CCDC146: variants seen among roughly 807,000 people sequenced by gnomAD.
The protein encoded by CCDC146 is coiled-coil domain containing 146, also known as coiled-coil domain-containing protein 146.
A neutral mutation model predicts 119.3 loss-of-function variants in CCDC146; 92 were observed. That is an observed-to-expected ratio of 0.77 (90% CI 0.65 to 0.92). The LOEUF (loss-of-function observed/expected upper bound fraction) is 0.92, where lower values mean the gene tolerates loss of function less well. Ranked by LOEUF, CCDC146 falls within the 40% of genes least tolerant of loss-of-function variation. The pLI, the probability that CCDC146 is intolerant of heterozygous loss-of-function variation, is 0.00. For missense variants in CCDC146, 1,000 were observed against 1,103.0 expected, an observed-to-expected ratio of 0.91 and a Z score of 1.32; for synonymous variants, 372 against 371.8, an observed-to-expected ratio of 1.00 and a Z score of -0.01.
intron 2 of CCDC146, among the ~76,000 whole-genome samples, chr7:77,236,108 G>C (rs1213713299): frequency 2.5e-5 from 2 of 79,056 alleles, no homozygotes; most frequent in African/African-American, 6.3e-5. Context: ...AGAACAACAG[G>C]GCTGAAAAAC....
intron 9 of CCDC146, among the ~76,000 whole-genome samples, chr7:77,265,131 T>C (rs1451462788): frequency 2.6e-5 from 4 of 152,204 alleles, no homozygotes; most frequent in African/African-American, 4.8e-5. Context: ...AATTGGAACT[T>C]TGGGCAAACA....
chr7:77,262,410 T>C, intron 9 of CCDC146, 103 bp downstream of exon 9: 1 of 846,310 alleles, frequency 1.2e-6, no homozygotes, highest in Non-Finnish European at 1.8e-6. Flanking sequence ...AAGAAGAAAA[T>C]ACAAGTAACA....
chr7:77,286,681 C>A (rs77137962), intron 15 of CCDC146, 117 bp from the exon 16 acceptor site: 1 of 933,366 alleles, frequency 1.1e-6, no homozygotes, highest in Admixed American at 2.2e-5. Flanking sequence ...ACAGAGTTCT[C>A]TTCTACCCTT....
intron 2 of CCDC146, among the ~76,000 whole-genome samples, chr7:77,186,516 T>C (rs1263646931): frequency 6.6e-6 from 1 of 151,082 alleles, no homozygotes; most frequent in African/African-American, 2.4e-5. Context: ...GGGCAGGGGG[T>C]AAGTGAGGAT....
At chr7:77,142,342 A>ATTTATT (rs1562813757) in intron 1 of CCDC146, among the ~76,000 whole-genome samples, 1 of 149,692 alleles carries the variant, frequency 6.7e-6, no homozygotes. Flanking sequence ...TTATTTATTT[A>ATTTATT]TATTATACTT....
At chr7:77,169,227 G>C (rs1158994297) in intron 2 of CCDC146, among the ~76,000 whole-genome samples, 4 of 152,084 alleles carry the variant, frequency 2.6e-5, no homozygotes, top group Non-Finnish European at 4.4e-5. Context: ...TTTTGGTAAA[G>C]ATATAAAGAC....
Position 77,286,820 on chromosome 7 carries a change from T to A in CCDC146, c.2171T>A (p.Ile724Asn), listed in dbSNP as rs755240738. ...QIQFSQCTDR[I>N]KDLEKQFVKP... ...TAGTTTTCACAGTGTACAGACAGAA[T>A]TAAAGACCTGGAGAAACAGTTCGTA... The change falls in exon 16 of 19, where the codon ATT becomes AAT. Residue 724 changes from isoleucine (I) to asparagine (N), a missense_variant. Transcript: ENST00000285871. 3 of 1,613,912 alleles carry A rather than the reference T, an allele frequency of 1.9e-6. No individual in the cohort carries two copies. The highest frequency in any genetic ancestry group is 1.1e-5 in the South Asian group (1 of 91,078).
intron 2 of CCDC146, among the ~76,000 whole-genome samples, chr7:77,210,230 A>C (rs993231058): frequency 6.6e-6 from 1 of 152,210 alleles, no homozygotes; most frequent in African/African-American, 2.4e-5. Flanking sequence ...GTATGCTGTT[A>C]GAAGCAGCCA....
intron 2 of CCDC146, among the ~76,000 whole-genome samples, chr7:77,221,076 TAC>T (rs1384851498): frequency 6.6e-6 from 1 of 152,052 alleles, no homozygotes; most frequent in East Asian, 1.9e-4. Context: ...AGGGAGGTGC[TAC>T]ACAGTTTAAA....
chr7:77,245,908 T>C (rs1294700083), intron 4 of CCDC146, among the ~76,000 whole-genome samples: 1 of 151,618 alleles, frequency 6.6e-6, no homozygotes, highest in Non-Finnish European at 1.5e-5. Flanking sequence ...TGGCAACAAA[T>C]ATCTTAAAAG....
At chr7:77,282,865 T>G (rs1228430342) in intron 15 of CCDC146, 80 bp downstream of exon 15, 2 of 931,212 alleles carry the variant, frequency 2.1e-6, no homozygotes, top group Non-Finnish European at 3.4e-6. Context: ...AGTTCTTGCA[T>G]GTAAACCAAG....
intron 1 of CCDC146, among the ~76,000 whole-genome samples, chr7:77,130,315 C>A (rs1790763385): frequency 6.6e-6 from 1 of 151,982 alleles, no homozygotes; most frequent in South Asian, 2.1e-4. Context: ...AAGGGGAGGA[C>A]TACTCAAGAA....
chr7:77,148,128 C>A (rs771969689), intron 1 of CCDC146, among the ~76,000 whole-genome samples: 8 of 152,246 alleles, frequency 5.3e-5, no homozygotes, highest in Non-Finnish European at 1.2e-4. Context: ...CCTCACCCAG[C>A]CTCACTGCCA....
At chr7:77,259,228 GA>G (rs1793241581) in intron 7 of CCDC146, 160 bp downstream of exon 7, 1 of 513,498 alleles carries the variant, frequency 1.9e-6, no homozygotes, top group African/African-American at 2.0e-5. Flanking sequence ...TTCTTTAAAA[GA>G]AAGTAATGCA....
intron 1 of CCDC146, among the ~76,000 whole-genome samples, chr7:77,131,795 T>C (rs1790789204): frequency 1.3e-5 from 2 of 152,154 alleles, no homozygotes; most frequent in South Asian, 4.1e-4. Flanking sequence ...ACTCGAAAGA[T>C]TACATACTCT....
intron 2 of CCDC146, among the ~76,000 whole-genome samples, chr7:77,175,949 T>G (rs1791493285): frequency 6.6e-6 from 1 of 151,176 alleles, no homozygotes; most frequent in Non-Finnish European, 1.5e-5. Context: ...AAAAGGCATA[T>G]GAGGATACAA....
chr7:77,287,397 A>G (rs1793867132), intron 16 of CCDC146, 43 bp from the exon 17 acceptor site: 1 of 1,603,152 alleles, frequency 6.2e-7, no homozygotes, highest in African/African-American at 1.4e-5. Flanking sequence ...TTTGTCTTAG[A>G]TGACTTTTTT....
intron 2 of CCDC146, among the ~76,000 whole-genome samples, chr7:77,230,943 A>G (rs1382482016): frequency 1.3e-5 from 2 of 152,114 alleles, no homozygotes; most frequent in Admixed American, 6.6e-5. Context: ...ACCATCTGCA[A>G]TTTTATGTTC....
At chr7:77,145,309 T>G (rs1487798648) in intron 1 of CCDC146, among the ~76,000 whole-genome samples, 1 of 151,832 alleles carries the variant, frequency 6.6e-6, no homozygotes, top group African/African-American at 2.4e-5. Context: ...CTTCTCTCTT[T>G]TCTTCTTTAT....
Sources: gnomAD v4.1 joint callset for allele counts (sites outside exome capture counted in the v4.1 genomes callset) on GRCh38, gnomAD v4.1.1 for gene constraint, MANE v1.5 for transcripts, NCBI Gene and HGNC (gene_info 2026-07-23, HGNC 2026-07-21) for gene names.